The following TTC9 variants were observed in gnomAD, a reference collection of about 807,000 sequenced individuals.
TTC9 encodes the protein tetratricopeptide repeat protein 9A.
Under a neutral mutation model 22.9 loss-of-function variants are expected in TTC9, and 13 were observed. That is an observed-to-expected ratio of 0.57 (90% CI 0.37 to 0.90). TTC9 has a LOEUF of 0.90. Among genes scored for constraint, TTC9 ranks in the 40% least tolerant of loss-of-function variants. The probability of loss-of-function intolerance (pLI) is 0.01; values close to 1 mark genes in which losing one functional copy is unlikely to be tolerated. For synonymous variants in TTC9, 148 were observed against 133.2 expected, an observed-to-expected ratio of 1.11 and a Z score of -0.77; for missense variants, 280 against 291.8, an observed-to-expected ratio of 0.96 and a Z score of 0.29.
intron 1 of TTC9, among the ~76,000 whole-genome samples, chr14:70,650,422 CAA>C (rs5809492): frequency 6.9e-6 from 1 of 145,480 alleles, no homozygotes; most frequent in African/African-American, 2.6e-5. Context: ...GACACCATCT[CAA>C]AAAAAAAAAA....
At chr14:70,656,311 C>T (rs183647268) in intron 1 of TTC9, among the ~76,000 whole-genome samples, 4 of 151,970 alleles carry the variant, frequency 2.6e-5, no homozygotes, top group Admixed American at 2.6e-4. Context: ...GTTTTTCCAC[C>T]AGTGTTTTCA....
intron 1 of TTC9, among the ~76,000 whole-genome samples, chr14:70,663,940 T>C (rs1255727684): frequency 6.6e-6 from 1 of 152,186 alleles, no homozygotes; most frequent in African/African-American, 2.4e-5. Flanking sequence ...AGTGGGCTGA[T>C]ATCCTAATTC....
intron 1 of TTC9, among the ~76,000 whole-genome samples, chr14:70,653,765 AG>A (rs1347884509): frequency 1.3e-5 from 2 of 152,216 alleles, no homozygotes. Flanking sequence ...CTCACAAGTC[AG>A]ACCAGTTGAG....
chr14:70,659,132 G>GCGCACACACACACACA (rs762892061), intron 1 of TTC9, among the ~76,000 whole-genome samples: 44 of 144,330 alleles, frequency 3.0e-4, no homozygotes, highest in African/African-American at 1.1e-3. Flanking sequence ...ACACACACAC[G>GCGCACACACACACACA]CACACACACA....
intron 1 of TTC9, among the ~76,000 whole-genome samples, chr14:70,657,739 G>C (rs1471334828): frequency 6.6e-6 from 1 of 152,172 alleles, no homozygotes; most frequent in Non-Finnish European, 1.5e-5. Flanking sequence ...GCCGAGGCGG[G>C]CAGATCACCT....
intron 1 of TTC9, among the ~76,000 whole-genome samples, chr14:70,665,632 G>A (rs1886205381): frequency 6.6e-6 from 1 of 152,156 alleles, no homozygotes; most frequent in Non-Finnish European, 1.5e-5. Context: ...TTCTAGATCT[G>A]GGCTGATTCT....
At chr14:70,653,255 A>G (rs374913754) in intron 1 of TTC9, among the ~76,000 whole-genome samples, 1 of 152,060 alleles carries the variant, frequency 6.6e-6, no homozygotes, top group Non-Finnish European at 1.5e-5. Flanking sequence ...AATATAGGGA[A>G]AGAGAGAGGG....
At chr14:70,646,477 G>A (rs1303194872) in intron 1 of TTC9, among the ~76,000 whole-genome samples, 1 of 152,208 alleles carries the variant, frequency 6.6e-6, no homozygotes, top group Non-Finnish European at 1.5e-5. Context: ...CTGTGGGGCT[G>A]TGGTGGCCCT....
rs1274246049 is a variant in TTC9, at chr14:70,674,341, C to T, written c.*3186C>T. The T allele has an allele frequency of 4.6e-5, 7 of 152,174 alleles. No homozygotes were observed. Among genetic ancestry groups the T allele is most frequent in the Non-Finnish European group, 7.3e-5 (5 of 68,032 alleles). The allele number at this position is 152,174 out of a possible 1,614,324, so 9.4% of individuals were successfully genotyped here. On this transcript the variant is annotated 3_prime_UTR_variant, in exon 3 of 3. Coordinates refer to ENST00000256367, the MANE Select transcript of TTC9 (RefSeq NM_015351.2). ...TAGGAAAAAAAGGACAAAATCCAAT[C>T]CATAAGCTTACCACCCAAGACAAAC... is the stretch of plus-strand genomic sequence containing the variant.
intron 1 of TTC9, among the ~76,000 whole-genome samples, chr14:70,663,241 G>A (rs549987154): frequency 2.1e-4 from 32 of 152,094 alleles, no homozygotes; most frequent in Non-Finnish European, 3.8e-4. Flanking sequence ...TCTGAAATAG[G>A]CCATTCCCCT....
rs567879548 is a variant in TTC9, at chr14:70,645,037, G to A, written c.406+2502G>A. Among the ~76,000 whole-genome samples the A allele has an allele frequency of 2.2e-3, 329 of 152,188 alleles. 1 individual carries two copies. The highest frequency in any genetic ancestry group is 3.4e-3 in the Non-Finnish European group (228 of 68,010). On this transcript the variant is annotated intron_variant, in intron 1 of 2. Coordinates refer to ENST00000256367, the MANE Select transcript of TTC9 (RefSeq NM_015351.2). ...TGAGGCAGGAGAATGGCATAAACCC[G>A]GGAGGCGGAGCTTGCAGTGAGCCGA...
chr14:70,653,650 G>T (rs1297893417), intron 1 of TTC9, among the ~76,000 whole-genome samples: 1 of 152,104 alleles, frequency 6.6e-6, no homozygotes, highest in Non-Finnish European at 1.5e-5. Context: ...AATGAATAAG[G>T]CTCAGTTAGA....
intron 1 of TTC9, among the ~76,000 whole-genome samples, chr14:70,666,047 A>G (rs972272217): frequency 7.2e-5 from 11 of 152,020 alleles, no homozygotes; most frequent in Admixed American, 2.0e-4. Flanking sequence ...CCTCCGAAGT[A>G]TGCAACATAC....
In TTC9 at chr14:70,672,707, A is replaced by G. The variant is rs1886314632; in HGVS notation, c.*1552A>G. 6.6e-6 allele frequency: 1 copy of G among 152,250 alleles called. No homozygotes were observed. Among genetic ancestry groups the G allele is most frequent in the Non-Finnish European group, 1.5e-5 (1 of 68,054 alleles). 9.4% of individuals were successfully genotyped at this position (152,250 alleles called of 1,614,324 possible). A position where few individuals can be genotyped will look rare whatever the true frequency, so the allele number is the denominator to read the frequency against. ...AGGATTTATTAAATGCATTATCTTCAGATCTTTACATGTATAATCTCATTT... is the reference window on the plus strand; with the variant it reads ...AGGATTTATTAAATGCATTATCTTCGGATCTTTACATGTATAATCTCATTT... On this transcript the variant is annotated 3_prime_UTR_variant, in exon 3 of 3. Coordinates refer to ENST00000256367, the MANE Select transcript of TTC9 (RefSeq NM_015351.2).
Position 70,642,411 on chromosome 14 carries a change from C to T in TTC9, c.282C>T (p.Pro94=), listed in dbSNP as rs781750643. 3.1e-6 allele frequency: 5 copies of T among 1,596,040 alleles called. No homozygotes were observed. Among genetic ancestry groups the T allele is most frequent in the East Asian group, 2.3e-5 (1 of 43,740 alleles). The change falls in exon 1 of 3, where the codon CCC becomes CCT. Residue 94 remains proline (P), a synonymous_variant. Transcript: ENST00000256367. ...LLELKGLLPP[P]GERERDSRPA... ...AGCTGAAGGGGCTGCTGCCGCCCCC[C>T]GGGGAACGGGAGCGGGACTCGCGCC...
intron 1 of TTC9, among the ~76,000 whole-genome samples, chr14:70,652,244 G>A (rs1202292217): frequency 2.6e-5 from 4 of 152,186 alleles, no homozygotes; most frequent in African/African-American, 9.6e-5. Flanking sequence ...TTTTATTCCA[G>A]CTTACTGGTA....
intron 1 of TTC9, among the ~76,000 whole-genome samples, chr14:70,650,859 A>G (rs563778882): frequency 1.5e-4 from 23 of 152,244 alleles, no homozygotes; most frequent in Non-Finnish European, 2.2e-4. Context: ...GAGAATAAAC[A>G]TATATGCTAG....
intron 1 of TTC9, among the ~76,000 whole-genome samples, chr14:70,646,227 T>C (rs910437508): frequency 2.0e-5 from 3 of 152,166 alleles, no homozygotes; most frequent in Non-Finnish European, 4.4e-5. Context: ...AAGAAATAGG[T>C]AGGGATCGTT....
intron 1 of TTC9, among the ~76,000 whole-genome samples, chr14:70,645,791 C>T (rs2139638060): frequency 6.6e-6 from 1 of 152,186 alleles, no homozygotes; most frequent in South Asian, 2.1e-4. Flanking sequence ...TATATTTAAT[C>T]AAGGATCCAT....
Sources: allele counts gnomAD v4.1 joint callset (sites outside exome capture counted in the v4.1 genomes callset), GRCh38; gene constraint gnomAD v4.1.1; transcripts MANE v1.5; gene names NCBI Gene and HGNC (gene_info 2026-07-23, HGNC 2026-07-21).